The following PINX1 variants were observed in gnomAD, a reference collection of about 807,000 sequenced individuals.
The protein encoded by PINX1 is PIN2/TERF1-interacting telomerase inhibitor 1.
Under a neutral mutation model 25.4 loss-of-function variants are expected in PINX1, and 34 were observed. The ratio of observed to expected loss-of-function variants is 1.34; its 90% CI spans 1.02 to 1.78. PINX1 has a LOEUF of 1.78. Among genes scored for constraint, PINX1 ranks in the 40% most tolerant of loss-of-function variants. PINX1 has a pLI of 0.00. For synonymous variants in PINX1, 197 were observed against 147.7 expected, an observed-to-expected ratio of 1.33 and a Z score of -2.42; for missense variants, 592 against 404.9, an observed-to-expected ratio of 1.46 and a Z score of -3.97.
chr8:10,829,310 G>C (rs1011702992), intron 4 of PINX1, among the ~76,000 whole-genome samples: 9 of 149,130 alleles, frequency 6.0e-5, no homozygotes, highest in Non-Finnish European at 1.5e-5. Context: ...AAAAAAGAGA[G>C]AGAGAAAATA....
rs571322955 is a variant in PINX1 at position 10,775,181 on chromosome 8, T to C, written c.472-9265A>G. 1.4e-4 allele frequency among the ~76,000 whole-genome samples: 21 copies of C among 152,290 alleles called. 1 individual carries two copies. The highest frequency in any genetic ancestry group is 1.0e-3 in the Admixed American group (16 of 15,302). The stretch of plus-strand genomic sequence containing the variant: ...TCTTGTTTTACACAAGCTGTAAGTT[T>C]TTATTTTATAAACAAAAAATATATT... On this transcript the variant is annotated intron_variant, in intron 6 of 6. Transcript: ENST00000314787.
chr8:10,804,550 G>A (rs1449143349), intron 6 of PINX1, among the ~76,000 whole-genome samples: 1 of 152,080 alleles, frequency 6.6e-6, no homozygotes, highest in Non-Finnish European at 1.5e-5. Flanking sequence ...CATTGGAGAA[G>A]AGCCGATTTT....
chr8:10,804,599 C>T (rs79618570), intron 6 of PINX1, among the ~76,000 whole-genome samples: 5 of 152,034 alleles, frequency 3.3e-5, no homozygotes, highest in Non-Finnish European at 7.4e-5. Flanking sequence ...GGATGCCCTG[C>T]AAGTAGGAAA....
chr8:10,839,102 C>G (rs1344873580), intron 1 of PINX1, among the ~76,000 whole-genome samples: 1 of 152,156 alleles, frequency 6.6e-6, no homozygotes, highest in East Asian at 1.9e-4. Flanking sequence ...AGAAGTTCAG[C>G]AGCCTCTACA....
chr8:10,817,772 G>A (rs558845279), intron 6 of PINX1, among the ~76,000 whole-genome samples: 2 of 152,196 alleles, frequency 1.3e-5, no homozygotes, highest in East Asian at 3.9e-4. Context: ...GGGAAGACCT[G>A]TACACACGGC....
chr8:10,821,263 G>C (rs190537276), intron 5 of PINX1, among the ~76,000 whole-genome samples: 1 of 152,242 alleles, frequency 6.6e-6, no homozygotes, highest in Non-Finnish European at 1.5e-5. Context: ...GACCCAGAAG[G>C]TTCTAGTTCA....
At chr8:10,826,101 C>G (rs1466621435) in intron 5 of PINX1, 51 bp downstream of exon 5, 1 of 1,034,156 alleles carries the variant, frequency 9.7e-7, no homozygotes, top group Non-Finnish European at 1.5e-6. Flanking sequence ...TCAAGCAACT[C>G]AGGACAAACA....
intron 6 of PINX1, among the ~76,000 whole-genome samples, chr8:10,796,931 C>A (rs975437925): frequency 1.3e-5 from 2 of 152,004 alleles, no homozygotes; most frequent in African/African-American, 4.8e-5. Flanking sequence ...CCAACCCAAA[C>A]ATCTACCAGC....
intron 4 of PINX1, among the ~76,000 whole-genome samples, chr8:10,826,730 T>G (rs1395468323): frequency 6.6e-6 from 1 of 152,164 alleles, no homozygotes; most frequent in Non-Finnish European, 1.5e-5. Context: ...GCATTGTGCT[T>G]AGTCAGAGGT....
At position 10,797,304 on chromosome 8, in the gene PINX1, G is replaced by C. The variant is rs17152424; in HGVS notation, c.471+22889C>G. 1.4e-3 allele frequency among the ~76,000 whole-genome samples: 220 copies of C among 152,224 alleles called. 3 individuals are homozygous for C. The highest frequency in any genetic ancestry group is 5.2e-3 in the African/African-American group (214 of 41,536). The stretch of plus-strand genomic sequence containing the variant: ...TTCAACCGCACTCTAAAAACCAAAA[G>C]CTCCCTCAAATACAAGGCATTACTG... On this transcript the variant is annotated intron_variant, in intron 6 of 6. Coordinates refer to ENST00000314787, the MANE Select transcript of PINX1 (RefSeq NM_017884.6).
intron 6 of PINX1, among the ~76,000 whole-genome samples, chr8:10,818,474 C>T (rs1797767996): frequency 6.6e-6 from 1 of 152,194 alleles, no homozygotes; most frequent in Non-Finnish European, 1.5e-5. Context: ...GAGCTTTCTG[C>T]ACCAAACACA....
Position 10,831,689 on chromosome 8 carries a change from T to A in PINX1, c.277A>T (p.Thr93Ser). The A allele has an allele frequency of 6.2e-7, 1 of 1,604,002 alleles. No individual in the cohort carries two copies. ...CCTGTGGTTTCCTGCCCATGGCAAGTGTTCAGTTCGGCCAGAAGCTGGTTA... is the reference window on the plus strand; with the variant it reads ...CCTGTGGTTTCCTGCCCATGGCAAGAGTTCAGTTCGGCCAGAAGCTGGTTA... Reference protein sequence around the residue: ...DFNQLLAELNTCHGQETTDSS... With the variant: ...DFNQLLAELNSCHGQETTDSS... Residue 93 changes from threonine (T) to serine (S), a missense_variant, in exon 4 of 7, where the codon ACT (threonine) becomes TCT (serine). By Grantham distance (58) the Thr-to-Ser change is moderately conservative. Coordinates refer to ENST00000314787, the MANE Select transcript of PINX1 (RefSeq NM_017884.6).
At chr8:10,813,744 C>T (rs1022629391) in intron 6 of PINX1, among the ~76,000 whole-genome samples, 1 of 152,102 alleles carries the variant, frequency 6.6e-6, no homozygotes, top group African/African-American at 2.4e-5. Context: ...GCCAGGAGCC[C>T]ATGCCAGAAG....
chr8:10,822,533 G>A (rs558455150), intron 5 of PINX1, among the ~76,000 whole-genome samples: 2 of 152,300 alleles, frequency 1.3e-5, no homozygotes, highest in African/African-American at 4.8e-5. Flanking sequence ...TACTTTCAAG[G>A]AAGAACACTC....
chr8:10,824,492 G>A (rs542355393), intron 5 of PINX1, among the ~76,000 whole-genome samples: 1 of 152,206 alleles, frequency 6.6e-6, no homozygotes, highest in Non-Finnish European at 1.5e-5. Flanking sequence ...CTTCTCCCCA[G>A]GCAAGGCTAA....
At chr8:10,821,251 A>C (rs967916397) in intron 5 of PINX1, among the ~76,000 whole-genome samples, 2 of 152,246 alleles carry the variant, frequency 1.3e-5, no homozygotes, top group Non-Finnish European at 2.9e-5. Flanking sequence ...AAGTAATGTC[A>C]TGACCCAGAA....
At chr8:10,769,966 T>C (rs866787492) in intron 6 of PINX1, among the ~76,000 whole-genome samples, 83 of 152,222 alleles carry the variant, frequency 5.5e-4, no homozygotes, top group African/African-American at 1.7e-3. Context: ...TCCACAGAAA[T>C]AGTACTTTCA....
intron 1 of PINX1, among the ~76,000 whole-genome samples, chr8:10,836,610 T>C (rs2129091502): frequency 7.0e-6 from 1 of 142,204 alleles, no homozygotes; most frequent in South Asian, 2.3e-4. Context: ...CTATTCAAGG[T>C]CAATTCCTCT....
intron 6 of PINX1, among the ~76,000 whole-genome samples, chr8:10,800,177 A>T (rs989253837): frequency 2.6e-5 from 4 of 152,214 alleles, no homozygotes; most frequent in African/African-American, 9.7e-5. Flanking sequence ...CCTTGGGTGC[A>T]GGAATATTAC....
Sources: gnomAD v4.1 joint callset for allele counts (sites outside exome capture counted in the v4.1 genomes callset) on GRCh38, gnomAD v4.1.1 for gene constraint, MANE v1.5 for transcripts, NCBI Gene and HGNC (gene_info 2026-07-23, HGNC 2026-07-21) for gene names.